HERC1: variants seen among roughly 807,000 people sequenced by gnomAD.
HERC1 encodes probable E3 ubiquitin-protein ligase HERC1.
In HERC1, 160 loss-of-function variants were observed where a neutral mutation model predicts 554.3. The observed-to-expected ratio is 0.29, with a 90% CI of 0.25 to 0.33. The LOEUF (loss-of-function observed/expected upper bound fraction) is 0.33. HERC1 is among the 10% of genes least tolerant of loss of function. HERC1 has a pLI of 1.00. For missense variants in HERC1, 4,919 were observed against 5,918.5 expected (o/e 0.83, Z 5.54); for synonymous variants, 2,175 against 2,131.7 (o/e 1.02, Z -0.56).
chr15:63,705,001 G>A lies in HERC1; in HGVS notation c.4636+1779C>T, dbSNP rs557787069. On this transcript the variant is annotated intron_variant, in intron 25 of 77. Coordinates refer to ENST00000443617, the MANE Select transcript of HERC1 (RefSeq NM_003922.4). ...GATCCGCCCACCTCAGCCTCCCAAA[G>A]TGCTGGGATTACAGGCATGAGCCAC... Among the ~76,000 whole-genome samples, 3 of 151,958 alleles carry A rather than the reference G, an allele frequency of 2.0e-5. No individual in the cohort carries two copies. The East Asian group carries it at 5.8e-4, about 29-fold the overall frequency.
Position 63,680,235 on chromosome 15 carries a change from G to C in HERC1, c.6466-75C>G, listed in dbSNP as rs2071409216. On this transcript the variant is annotated intron_variant, in intron 35 of 77. Coordinates refer to ENST00000443617, the MANE Select transcript of HERC1 (RefSeq NM_003922.4). This position sits in a 1 kb window ranked among gnomAD's most constrained non-coding sequence, Gnocchi z 5.8. Reference sequence around the variant, plus strand: ...TAATTCACAATATCTAACCACATTAGAATTGAAAGCTTTTATGAGACAGAA... The same window carrying C: ...TAATTCACAATATCTAACCACATTACAATTGAAAGCTTTTATGAGACAGAA... 8.9e-7 allele frequency: 1 copy of C among 1,126,772 alleles called. No homozygotes were observed. The highest frequency in any genetic ancestry group is 1.4e-5 in the South Asian group (1 of 73,374). 69.8% of individuals were successfully genotyped at this position (1,126,772 alleles called of 1,614,324 possible).
intron 1 of HERC1, among the ~76,000 whole-genome samples, chr15:63,821,507 G>A (rs1396905418): frequency 2.1e-5 from 3 of 145,320 alleles, no homozygotes; most frequent in Non-Finnish European, 4.5e-5. Flanking sequence ...AATGAGCCGA[G>A]ATCGTACCAC....
At chr15:63,609,853 A>G (rs1163190938) in intron 77 of HERC1, among the ~76,000 whole-genome samples, 1 of 152,222 alleles carries the variant, frequency 6.6e-6, no homozygotes, top group African/African-American at 2.4e-5. Context: ...GTGATGCATC[A>G]TTTAAAATGA....
intron 12 of HERC1, among the ~76,000 whole-genome samples, chr15:63,746,469 T>C (rs949179235): frequency 6.6e-6 from 1 of 152,178 alleles, no homozygotes; most frequent in African/African-American, 2.4e-5. Flanking sequence ...TTATAACCAG[T>C]ATTCTATTCT....
chr15:63,752,761 C>T, intron 8 of HERC1, 197 bp downstream of exon 8: 2 of 472,598 alleles, frequency 4.2e-6, no homozygotes, highest in Non-Finnish European at 7.5e-6. Flanking sequence ...TAAGATTTAT[C>T]TGGGTCACAT....
At chr15:63,699,054 A>AGTATGCTCTG in intron 25 of HERC1, 58 bp from the exon 26 acceptor site, 2 of 1,461,108 alleles carry the variant, frequency 1.4e-6, no homozygotes, top group Non-Finnish European at 1.9e-6. Flanking sequence ...ATACATTCTG[A>AGTATGCTCTG]AACTAGATAA....
chr15:63,783,259 T>A (rs542265527), intron 1 of HERC1, among the ~76,000 whole-genome samples: 1 of 152,162 alleles, frequency 6.6e-6, no homozygotes, highest in Non-Finnish European at 1.5e-5. Context: ...TTCACTGTTG[T>A]CTTGTTTTAA....
chr15:63,697,665 G>A (rs973064890), intron 26 of HERC1, among the ~76,000 whole-genome samples: 9 of 152,058 alleles, frequency 5.9e-5, no homozygotes, highest in African/African-American at 1.9e-4. Flanking sequence ...ACGCTGGTGA[G>A]GCTGGTTTCA....
intron 46 of HERC1, 101 bp from the exon 47 acceptor site, chr15:63,660,037 A>AG: frequency 2.1e-6 from 2 of 962,122 alleles, no homozygotes; most frequent in Non-Finnish European, 1.6e-6. Context: ...GCAGATGAGC[A>AG]GCCAGATGCG....
chr15:63,782,125 G>C (rs1371574746), intron 1 of HERC1, among the ~76,000 whole-genome samples: 1 of 152,206 alleles, frequency 6.6e-6, no homozygotes, highest in East Asian at 1.9e-4. Flanking sequence ...AAGTTATCCA[G>C]AATATCTACC....
chr15:63,745,914 CCT>C (rs1195124682), intron 12 of HERC1, among the ~76,000 whole-genome samples: 1 of 151,978 alleles, frequency 6.6e-6, no homozygotes, highest in Admixed American at 6.6e-5. Flanking sequence ...TAATTTAAGT[CCT>C]CTCTCATTTT....
At chr15:63,654,761 C>T (rs1032513122) in intron 50 of HERC1, among the ~76,000 whole-genome samples, 7 of 150,742 alleles carry the variant, frequency 4.6e-5, no homozygotes, top group East Asian at 2.0e-4. Flanking sequence ...CCCAGCTACT[C>T]GGGAGGCTGA....
intron 70 of HERC1, among the ~76,000 whole-genome samples, chr15:63,626,402 G>T (rs960471082): frequency 1.3e-5 from 2 of 152,088 alleles, no homozygotes; most frequent in Non-Finnish European, 2.9e-5. Flanking sequence ...AATGAAACCT[G>T]GTATTTTCTC....
Position 63,727,518 on chromosome 15 carries a change from A to G in HERC1, c.3346+129T>C. 1 of 619,920 alleles carries G rather than the reference A, an allele frequency of 1.6e-6. No individual in the cohort carries two copies. Among genetic ancestry groups the G allele is most frequent in the South Asian group, 3.0e-5 (1 of 33,384 alleles). 38.4% of individuals were successfully genotyped at this position (619,920 alleles called of 1,614,324 possible). On this transcript the variant is annotated intron_variant, in intron 17 of 77. Coordinates refer to ENST00000443617, the MANE Select transcript of HERC1 (RefSeq NM_003922.4). The surrounding 1 kb of genome is among the most constrained non-coding windows in gnomAD (Gnocchi z 4.3). The stretch of plus-strand genomic sequence containing the variant: ...CTTACTTAAATTTGAAAAGCTTTTA[A>G]GATTTCAGTGATGAAATTCCTTTGA...
At chr15:63,819,095 C>T (rs2077596679) in intron 1 of HERC1, among the ~76,000 whole-genome samples, 1 of 152,184 alleles carries the variant, frequency 6.6e-6, no homozygotes, top group Admixed American at 6.5e-5. Context: ...CAATCACTTA[C>T]TTTAGAGATC....
rs1271634963 is a variant in HERC1 at position 63,727,530 on chromosome 15, T to C, written c.3346+117A>G. On this transcript the variant is annotated intron_variant, in intron 17 of 77. Transcript: ENST00000443617. This position sits in a 1 kb window ranked among gnomAD's most constrained non-coding sequence, Gnocchi z 4.3. ...TGAAAAGCTTTTAAGATTTCAGTGA[T>C]GAAATTCCTTTGATAGCCTTAGGAT... is the stretch of plus-strand genomic sequence containing the variant. The C allele has an allele frequency of 3.1e-6, 2 of 649,660 alleles. No individual in the cohort carries two copies. The highest frequency in any genetic ancestry group is 3.0e-5 in the Admixed American group (1 of 32,932). 40.2% of individuals were successfully genotyped at this position (649,660 alleles called of 1,614,324 possible).
intron 25 of HERC1, among the ~76,000 whole-genome samples, chr15:63,704,062 C>A (rs2072872584): frequency 6.6e-6 from 1 of 152,060 alleles, no homozygotes. Context: ...AACTGCCCAA[C>A]TGAAGATTTT....
intron 1 of HERC1, among the ~76,000 whole-genome samples, chr15:63,810,424 A>T (rs1325265036): frequency 1.4e-5 from 2 of 142,448 alleles, no homozygotes; most frequent in African/African-American, 3.0e-5. Flanking sequence ...GTGTAAAAAT[A>T]AAAAAAAAGA....
intron 1 of HERC1, among the ~76,000 whole-genome samples, chr15:63,777,748 T>A (rs1767310582): frequency 6.6e-6 from 1 of 152,094 alleles, no homozygotes; most frequent in South Asian, 2.1e-4. Context: ...AGAGTATCCC[T>A]GCCCGACTCT....
Sources: gnomAD v4.1 joint callset for allele counts (sites outside exome capture counted in the v4.1 genomes callset) on GRCh38, gnomAD v4.1.1 for gene constraint, Gnocchi (gnomAD v3.1) non-coding constraint, MANE v1.5 for transcripts, NCBI Gene and HGNC (gene_info 2026-07-23, HGNC 2026-07-21) for gene names.